ZNF394: variants seen among roughly 807,000 people sequenced by gnomAD.
ZNF394 encodes zinc finger protein 394, also known as zinc finger protein 99.
ZNF394 carries 19 observed loss-of-function variants against 21.8 expected under a neutral mutation model. That is an observed-to-expected ratio of 0.87 (90% CI 0.61 to 1.28). The LOEUF (loss-of-function observed/expected upper bound fraction) is 1.28. Ranked by LOEUF, ZNF394 falls within the 50% of genes most tolerant of loss-of-function variation. ZNF394 has a pLI of 0.00. For missense variants in ZNF394, 683 were observed against 708.6 expected (o/e 0.96, Z 0.41); for synonymous variants, 294 against 273.3 (o/e 1.08, Z -0.75).
intron 2 of ZNF394, among the ~76,000 whole-genome samples, chr7:99,496,706 C>T (rs1040511230): frequency 9.2e-5 from 14 of 152,054 alleles, no homozygotes; most frequent in Admixed American, 2.0e-4. Flanking sequence ...TGAGCTATCA[C>T]GCCCGGCCAA....
chr7:99,493,488 C>A lies in ZNF394; in HGVS notation c.*41G>T. On this transcript the variant is annotated 3_prime_UTR_variant, in exon 3 of 3. Transcript: ENST00000337673. Reference sequence around the variant, plus strand: ...GCCAGGCTGGTTTCAAACTCCTGATCTCAAATGATCTGCCTGCCTTGGCCT... The same window carrying A: ...GCCAGGCTGGTTTCAAACTCCTGATATCAAATGATCTGCCTGCCTTGGCCT... The A allele has an allele frequency of 6.7e-7, 1 of 1,496,396 alleles. No individual in the cohort carries two copies. Among genetic ancestry groups the A allele is most frequent in the Non-Finnish European group, 9.0e-7 (1 of 1,110,020 alleles). 92.7% of individuals were successfully genotyped at this position (1,496,396 alleles called of 1,614,324 possible).
In ZNF394 at chr7:99,495,479, C is replaced by T. The variant is rs557141917; in HGVS notation, c.584-848G>A. The stretch of plus-strand genomic sequence containing the variant: ...CTGGGATTACAGGCACCCACCACCA[C>T]ACCCGGCTAATTTTTTTGTATTTTT... On this transcript the variant is annotated intron_variant, in intron 2 of 2. Transcript: ENST00000337673. Among the ~76,000 whole-genome samples the T allele has an allele frequency of 1.2e-4, 18 of 151,364 alleles. No individual in the cohort carries two copies. In the East Asian group the frequency reaches 2.7e-3, roughly 23 times the overall value.
At chr7:99,496,512 C>T (rs1800314290) in intron 2 of ZNF394, among the ~76,000 whole-genome samples, 2 of 152,046 alleles carry the variant, frequency 1.3e-5, no homozygotes, top group African/African-American at 4.8e-5. Flanking sequence ...AGGCAAAGGG[C>T]AGCAGAAGGG....
Position 99,494,111 on chromosome 7 carries a change from T to C in ZNF394, c.1104A>G (p.Lys368=). The C allele has an allele frequency of 5.6e-6, 9 of 1,614,238 alleles. No individual in the cohort carries two copies. Among genetic ancestry groups the C allele is most frequent in the Non-Finnish European group, 7.6e-6 (9 of 1,180,036 alleles). ...YKCGNCGKSF[K]QRSDLFRHQR... is the part of the protein sequence containing the mutation. ...GGTGTCTAAAGAGGTCAGAGCGTTG[T>C]TTGAAACTCTTCCCACAGTTACCAC... The change falls in exon 3 of 3, where the codon AAA becomes AAG. Residue 368 remains lysine (K), a synonymous_variant. Coordinates refer to ENST00000337673, the MANE Select transcript of ZNF394 (RefSeq NM_032164.4).
chr7:99,498,668 C>T, intron 2 of ZNF394, 48 bp downstream of exon 2: 1 of 1,611,870 alleles, frequency 6.2e-7, no homozygotes, highest in Non-Finnish European at 8.5e-7. Flanking sequence ...TGAACCAGCC[C>T]TTCACAAACC....
chr7:99,487,044 TCA>T, intron 1 of ZNF394: 1 of 1,614,054 alleles, frequency 6.2e-7, no homozygotes, highest in Non-Finnish European at 8.5e-7. Flanking sequence ...ATAAGAGGAT[TCA>T]CACCAAAGAA....
exon 2 of ZNF394, chr7:99,486,705 T>C: frequency 1.2e-6 from 2 of 1,614,172 alleles, no homozygotes; most frequent in Non-Finnish European, 1.7e-6. Context: ...AAGATCAGAA[T>C]GCGCAAACAA....
Position 99,495,863 on chromosome 7 carries a change from C to G in ZNF394, c.584-1232G>C, listed in dbSNP as rs535775204. Among the ~76,000 whole-genome samples the G allele has an allele frequency of 2.6e-5, 4 of 151,606 alleles. No homozygotes were observed. In the East Asian group the frequency reaches 7.9e-4, roughly 30 times the overall value. On this transcript the variant is annotated intron_variant, in intron 2 of 2. Coordinates refer to ENST00000337673, the MANE Select transcript of ZNF394 (RefSeq NM_032164.4). Reference sequence around the variant, plus strand: ...TCTCAAACTCCTGACCTCAGGTGATCCACCTGCCTTGGCCTCCCAAAGTGT... The same window carrying G: ...TCTCAAACTCCTGACCTCAGGTGATGCACCTGCCTTGGCCTCCCAAAGTGT...
intron 1 of ZNF394, chr7:99,487,676 A>C (rs1800048020): frequency 1.6e-6 from 1 of 618,724 alleles, no homozygotes. Context: ...CAACACAGTG[A>C]GATCCCATCT....
intron 2 of ZNF394, among the ~76,000 whole-genome samples, chr7:99,495,015 G>A (rs995163196): frequency 4.2e-4 from 63 of 151,586 alleles, no homozygotes; most frequent in African/African-American, 1.5e-3. Context: ...TTGAGACAGA[G>A]TATTACTCTG....
chr7:99,493,319 T>G lies in ZNF394; in HGVS notation c.*210A>C. Reference sequence around the variant, plus strand: ...TTGCCCAGGCTGGAGTGCAGTGGCATGATCTCAGCTCACTGCAACTTCCGC... The same window carrying G: ...TTGCCCAGGCTGGAGTGCAGTGGCAGGATCTCAGCTCACTGCAACTTCCGC... On this transcript the variant is annotated 3_prime_UTR_variant, in exon 3 of 3. Coordinates refer to ENST00000337673, the MANE Select transcript of ZNF394 (RefSeq NM_032164.4). 2.3e-5 allele frequency: 27 copies of G among 1,177,388 alleles called. No homozygotes were observed. Among genetic ancestry groups the G allele is most frequent in the Admixed American group, 3.6e-5 (1 of 27,534 alleles). The allele number at this position is 1,177,388 out of a possible 1,614,324, so 72.9% of individuals were successfully genotyped here. A position where few individuals can be genotyped will look rare whatever the true frequency, so the allele number is the denominator to read the frequency against.
At chr7:99,494,879 T>C (rs1417101609) in intron 2 of ZNF394, among the ~76,000 whole-genome samples, 15 of 151,644 alleles carry the variant, frequency 9.9e-5, no homozygotes, top group Admixed American at 9.9e-4. Flanking sequence ...GCATTACAAG[T>C]GCACGCCACC....
In ZNF394 at chr7:99,494,248, T is replaced by C. The variant is rs1800232066; in HGVS notation, c.967A>G (p.Met323Val). 1.9e-6 allele frequency: 3 copies of C among 1,614,288 alleles called. No individual in the cohort carries two copies. Among genetic ancestry groups the C allele is most frequent in the South Asian group, 1.1e-5 (1 of 91,088 alleles). ...GGTTTCAGCACGTGCCACGTCACCA[T>C]GTGGAAACTTTGCTTGCACTTGTTC... is the stretch of plus-strand genomic sequence containing the variant. ...HGNKCKQSFH[M>V]VTWHVLKPHK... The change falls in exon 3 of 3, where the codon ATG becomes GTG. Residue 323 changes from methionine (M) to valine (V), a missense_variant. Physicochemically the swap from Met to Val is conservative, Grantham distance 21 (BLOSUM62 1). Around this residue, in one of 3 missense-constraint regions of ZNF394, gnomAD observed 274 missense variants for 314.1 expected, o/e 0.87. Coordinates refer to ENST00000337673, the MANE Select transcript of ZNF394 (RefSeq NM_032164.4).
rs770111334 is a variant in ZNF394, at chr7:99,499,711, C to T, written c.383G>A (p.Cys128Tyr). 9 of 1,613,642 alleles carry T rather than the reference C, an allele frequency of 5.6e-6. No homozygotes were observed. Among genetic ancestry groups the T allele is most frequent in the Non-Finnish European group, 7.6e-6 (9 of 1,179,990 alleles). Residue 128 changes from cysteine to tyrosine, a missense_variant, in exon 1 of 3, where the codon TGC becomes TAC. Around this residue, in one of 3 missense-constraint regions of ZNF394, gnomAD observed 402 missense variants for 373.8 expected, o/e 1.08. Transcript: ENST00000337673. Reference protein sequence around the residue: ...EELQAWVREHCPESGEEAVAV... With the variant: ...EELQAWVREHYPESGEEAVAV... Reference sequence around the variant, plus strand: ...CACCGCCTCCTCCCCGCTCTCTGGGCAGTGCTCTCGCACCCAGGCTTGAAG... The same window carrying T: ...CACCGCCTCCTCCCCGCTCTCTGGGTAGTGCTCTCGCACCCAGGCTTGAAG...
Position 99,498,727 on chromosome 7 carries a change from G to A in ZNF394, c.572C>T (p.Thr191Ile). Reference sequence around the variant, plus strand: ...GCAACAGCACTCACTCGGCGGAACTGTGCTCCCGGAATCCTTCTGCGCACT... The same window carrying A: ...GCAACAGCACTCACTCGGCGGAACTATGCTCCCGGAATCCTTCTGCGCACT... Reference protein sequence around the residue: ...RESAQKDSGSTVPPSLESRVE... With the variant: ...RESAQKDSGSIVPPSLESRVE... The change falls in exon 2 of 3, where the codon ACA becomes ATA. Residue 191 changes from threonine to isoleucine, a missense_variant. Thr to Ile is a moderately conservative substitution (Grantham distance 89, BLOSUM62 -1). Transcript: ENST00000337673. 6.2e-7 allele frequency: 1 copy of A among 1,614,046 alleles called. No homozygotes were observed. The highest frequency in any genetic ancestry group is 8.5e-7 in the Non-Finnish European group (1 of 1,179,982).
rs1206330509 is a variant in ZNF394, at chr7:99,497,122, G to GTATA, written c.583+1590_583+1593dup. 2.4e-3 allele frequency among the ~76,000 whole-genome samples: 189 copies of GTATA among 79,376 alleles called. 5 individuals are homozygous for GTATA. Among genetic ancestry groups the GTATA allele is most frequent in the East Asian group, 0.014 (38 of 2,626 alleles). 52.1% of individuals were successfully genotyped at this position (79,376 alleles called of 152,430 possible). On this transcript the variant is annotated intron_variant, in intron 2 of 2. Coordinates refer to ENST00000337673, the MANE Select transcript of ZNF394 (RefSeq NM_032164.4). ...TGTGTGTGTGTGTGTGTGTGTGTGTGTATATATATATATATATATGTATAT... is the reference window on the plus strand; with the variant it reads ...TGTGTGTGTGTGTGTGTGTGTGTGTGTATATATATATATATATATATATGTATAT...
In ZNF394 at chr7:99,499,932, G is replaced by A. The variant is rs1275669150; in HGVS notation, c.162C>T (p.Pro54=). The A allele has an allele frequency of 5.0e-6, 8 of 1,613,914 alleles. No individual in the cohort carries two copies. Among genetic ancestry groups the A allele is most frequent in the Non-Finnish European group, 6.8e-6 (8 of 1,180,052 alleles). Residue 54 remains proline, a synonymous_variant, in exon 1 of 3, where the codon CCC becomes CCT. Coordinates refer to ENST00000337673, the MANE Select transcript of ZNF394 (RefSeq NM_032164.4). The part of the protein sequence containing the change: ...DSPGSWEPNY[P]AASPDPETSR... ...AAGTTTCGGGGTCCGGCGAAGCCGC[G>A]GGATAGTTGGGCTCCCAACTTCCGG...
rs1179433372 is a variant in ZNF394 at position 99,500,057 on chromosome 7, C to T, written c.37G>A (p.Asp13Asn). ...SSLTAQRRGSDAELGPWVMAA... is the reference protein window; with the variant it reads ...SSLTAQRRGSNAELGPWVMAA... Reference sequence around the variant, plus strand: ...ATCACCCAGGGTCCCAACTCGGCGTCACTGCCGCGCCTCTGGGCGGTCAAG... The same window carrying T: ...ATCACCCAGGGTCCCAACTCGGCGTTACTGCCGCGCCTCTGGGCGGTCAAG... Residue 13 changes from aspartate to asparagine, a missense_variant, in exon 1 of 3, where the codon GAC (aspartate) becomes AAC (asparagine). Transcript: ENST00000337673. 1 of 1,583,300 alleles carries T rather than the reference C, an allele frequency of 6.3e-7. No homozygotes were observed. Among genetic ancestry groups the T allele is most frequent in the African/African-American group, 1.3e-5 (1 of 74,582 alleles).
At chr7:99,497,155 T>TATATATGA (rs1285527600) in intron 2 of ZNF394, among the ~76,000 whole-genome samples, 110 of 132,606 alleles carry the variant, frequency 8.3e-4, no homozygotes, top group African/African-American at 3.2e-3. Context: ...TATATATATA[T>TATATATGA]AAAATGTTTT....
Sources: gnomAD v4.1 joint callset for allele counts (sites outside exome capture counted in the v4.1 genomes callset) on GRCh38, gnomAD v4.1.1 for gene constraint, gnomAD v4.1.1 regional missense constraint, MANE v1.5 for transcripts, NCBI Gene and HGNC (gene_info 2026-07-23, HGNC 2026-07-21) for gene names.